The following SLC22A12 variants were observed in gnomAD, a reference collection of about 807,000 sequenced individuals.
SLC22A12 encodes solute carrier family 22 member 12.
SLC22A12 carries 56 observed loss-of-function variants against 52.7 expected under a neutral mutation model. That is an observed-to-expected ratio of 1.06 (90% CI 0.86 to 1.33). The LOEUF is 1.33. Among genes scored for constraint, SLC22A12 ranks in the 40% most tolerant of loss-of-function variants. The pLI, the probability that SLC22A12 is intolerant of heterozygous loss-of-function variation, is 0.00. For missense variants in SLC22A12, 683 were observed against 741.5 expected, an observed-to-expected ratio of 0.92 and a Z score of 0.92; for synonymous variants, 337 against 324.6, an observed-to-expected ratio of 1.04 and a Z score of -0.41.
At chr11:64,601,391 G>C (rs974802878) in intron 9 of SLC22A12, 97 bp from the exon 10 acceptor site, 1 of 1,256,872 alleles carries the variant, frequency 8.0e-7, no homozygotes, top group Non-Finnish European at 1.1e-6. Context: ...CCGAGAGCAG[G>C]GTGGTGGCAT....
chr11:64,593,005 G>C, intron 2 of SLC22A12, 123 bp downstream of exon 2: 3 of 891,266 alleles, frequency 3.4e-6, no homozygotes, highest in Non-Finnish European at 5.3e-6. Context: ...CTACTTGCTG[G>C]GTGTGGGTCT....
intron 4 of SLC22A12, among the ~76,000 whole-genome samples, chr11:64,597,328 C>T (rs1026872402): frequency 6.6e-6 from 1 of 152,126 alleles, no homozygotes; most frequent in Non-Finnish European, 1.5e-5. Flanking sequence ...CTGCAGACCC[C>T]AAATCTCCAC....
chr11:64,593,354 C>T (rs1244298333), intron 2 of SLC22A12, 51 bp from the exon 3 acceptor site: 4 of 1,613,046 alleles, frequency 2.5e-6, no homozygotes, highest in Non-Finnish European at 3.4e-6. Context: ...AGCCCCGTGG[C>T]CTGTGCCGTG....
At chr11:64,595,756 T>C (rs1477173373) in intron 4 of SLC22A12, among the ~76,000 whole-genome samples, 3 of 144,040 alleles carry the variant, frequency 2.1e-5, no homozygotes, top group African/African-American at 5.3e-5. Flanking sequence ...TTGGAATAGA[T>C]GGATGGATGG....
chr11:64,591,510 A>T lies in SLC22A12; in HGVS notation c.-47A>T. The T allele has an allele frequency of 1.9e-6, 3 of 1,604,658 alleles. No homozygotes were observed. The highest frequency in any genetic ancestry group is 2.5e-6 in the Non-Finnish European group (3 of 1,179,778). On this transcript the variant is annotated 5_prime_UTR_variant, in exon 1 of 10. Coordinates refer to ENST00000377574, the MANE Select transcript of SLC22A12 (RefSeq NM_144585.4). ...TGCCCTGGCCTCTTTGCCCTGGGCC[A>T]GCCTTTGTGAAGTGGGCCCCTCTTC...
At chr11:64,593,002 C>A in intron 2 of SLC22A12, 120 bp downstream of exon 2, 1 of 918,020 alleles carries the variant, frequency 1.1e-6, no homozygotes, top group Non-Finnish European at 1.7e-6. Flanking sequence ...GCCCTACTTG[C>A]TGGGTGTGGG....
chr11:64,599,770 G>A lies in SLC22A12; in HGVS notation c.1165G>A (p.Asp389Asn). The A allele has an allele frequency of 6.2e-7, 1 of 1,612,850 alleles. No homozygotes were observed. Among genetic ancestry groups the A allele is most frequent in the East Asian group, 2.2e-5 (1 of 44,848 alleles). ...GCTCCAAATGTTCATTGGTGTCGTG[G>A]ACATCCCAGCCAAGATGGGCGCCCT... ...FLLQMFIGVV[D>N]IPAKMGALLL... is the part of the protein sequence containing the mutation. Residue 389 changes from aspartate to asparagine, a missense_variant, in exon 7 of 10, where the codon GAC becomes AAC. Transcript: ENST00000377574.
At position 64,600,453 on chromosome 11, in the gene SLC22A12, G is replaced by A. The variant is rs747742344; in HGVS notation, c.1372G>A (p.Glu458Lys). The stretch of plus-strand genomic sequence containing the variant: ...CACCTGCATCACCATCTACAGCAGC[G>A]AGCTCTTCCCCACTGTGCTCAGGTG... ...AFTCITIYSS[E>K]LFPTVLRMTA... The change falls in exon 8 of 10, where the codon GAG (glutamate) becomes AAG (lysine). Residue 458 changes from glutamate (E) to lysine (K), a missense_variant. Coordinates refer to ENST00000377574, the MANE Select transcript of SLC22A12 (RefSeq NM_144585.4). The A allele has an allele frequency of 6.2e-6, 10 of 1,605,830 alleles. No homozygotes were observed. The highest frequency in any genetic ancestry group is 1.7e-4 in the Middle Eastern group (1 of 6,036).
In SLC22A12 at chr11:64,601,640, TC is replaced by T; in HGVS notation, c.*91del. On this transcript the variant is annotated 3_prime_UTR_variant, in exon 10 of 10. Transcript: ENST00000377574. ...CAGGAGGAAAGCAAAGACCTCCATT[TC>T]CAGAGGCCCAGAGGCTGCCCTCTGA... is the stretch of plus-strand genomic sequence containing the variant. The T allele has an allele frequency of 6.9e-7, 1 of 1,457,726 alleles. No individual in the cohort carries two copies. The highest frequency in any genetic ancestry group is 9.5e-7 in the Non-Finnish European group (1 of 1,053,742). The allele number at this position is 1,457,726 out of a possible 1,614,324, so 90.3% of individuals were successfully genotyped here. A position where few individuals can be genotyped will look rare whatever the true frequency, so the allele number is the denominator to read the frequency against.
At chr11:64,601,430 T>G in intron 9 of SLC22A12, 58 bp from the exon 10 acceptor site, 2 of 1,570,024 alleles carry the variant, frequency 1.3e-6, no homozygotes, top group Non-Finnish European at 1.7e-6. Context: ...TGGACACAGG[T>G]CAAGGGTCAG....
intron 1 of SLC22A12, among the ~76,000 whole-genome samples, chr11:64,592,530 G>T (rs1043274266): frequency 6.6e-6 from 1 of 152,140 alleles, no homozygotes; most frequent in African/African-American, 2.4e-5. Context: ...GGCAGATGTG[G>T]CTAGAGACCC....
chr11:64,595,028 ATAGAT>A (rs2039074393), intron 4 of SLC22A12, among the ~76,000 whole-genome samples: 1 of 18,528 alleles, frequency 5.4e-5, no homozygotes, highest in African/African-American at 7.7e-5. Flanking sequence ...GATGGTTGGA[ATAGAT>A]GGATGGATGG....
chr11:64,598,748 C>G, intron 5 of SLC22A12, 60 bp from the exon 6 acceptor site: 1 of 1,608,940 alleles, frequency 6.2e-7, no homozygotes, highest in Non-Finnish European at 8.5e-7. Flanking sequence ...AAGAAGGTCT[C>G]AGAGAGGAGG....
intron 4 of SLC22A12, 49 bp downstream of exon 4, chr11:64,593,852 T>C (rs771259750): frequency 4.3e-5 from 68 of 1,584,010 alleles, no homozygotes; most frequent in Non-Finnish European, 5.3e-5. Context: ...CTGCCCACTC[T>C]CCACCCGGGG....
chr11:64,599,966 G>A lies in SLC22A12; in HGVS notation c.1285+76G>A. On this transcript the variant is annotated intron_variant, in intron 7 of 9. Transcript: ENST00000377574. ...CGGGCTGGGAACAGCACCCCTCCTT[G>A]GAGGTGCTGGACTAGAGCAGGTACC... 20 of 1,505,474 alleles carry A rather than the reference G, an allele frequency of 1.3e-5. 1 individual carries two copies. In the South Asian group the frequency reaches 2.1e-4, roughly 16 times the overall value. The allele number at this position is 1,505,474 out of a possible 1,614,324, so 93.3% of individuals were successfully genotyped here.
chr11:64,601,876 A>C lies in SLC22A12; in HGVS notation c.*325A>C, dbSNP rs2135474100. 2 of 385,288 alleles carry C rather than the reference A, an allele frequency of 5.2e-6. No individual in the cohort carries two copies. Among genetic ancestry groups the C allele is most frequent in the Admixed American group, 3.7e-5 (1 of 27,290 alleles). The allele number at this position is 385,288 out of a possible 1,614,324, so 23.9% of individuals were successfully genotyped here. On this transcript the variant is annotated 3_prime_UTR_variant, in exon 10 of 10. Transcript: ENST00000377574. ...GCTGGCCTTGCCAACCCTCTGCTTG[A>C]CTCCGCACTGCCACTTGTCCCCCCA...
At chr11:64,592,466 G>A (rs1345636072) in intron 1 of SLC22A12, among the ~76,000 whole-genome samples, 8 of 152,178 alleles carry the variant, frequency 5.3e-5, no homozygotes, top group South Asian at 2.1e-4. Flanking sequence ...TCTGGGAGAG[G>A]GGTGAGGGTG....
rs1298446845 is a variant in SLC22A12 at position 64,602,099 on chromosome 11, C to T, written c.*548C>T. 4 of 189,448 alleles carry T rather than the reference C, an allele frequency of 2.1e-5. No individual in the cohort carries two copies. The South Asian group carries it at 4.4e-4, about 21-fold the overall frequency. The allele number at this position is 189,448 out of a possible 1,614,324, so 11.7% of individuals were successfully genotyped here. The stretch of plus-strand genomic sequence containing the variant: ...TCCTCTGCCTGCTGTCCCCTTCCCA[C>T]CCTCATCCCTGACCGACTCCACTTA... On this transcript the variant is annotated 3_prime_UTR_variant, in exon 10 of 10. Coordinates refer to ENST00000377574, the MANE Select transcript of SLC22A12 (RefSeq NM_144585.4).
chr11:64,600,886 C>T lies in SLC22A12; in HGVS notation c.1546C>T (p.Pro516Ser), dbSNP rs1284455418. 1 of 1,609,668 alleles carries T rather than the reference C, an allele frequency of 6.2e-7. No individual in the cohort carries two copies. The highest frequency in any genetic ancestry group is 1.7e-5 in the Admixed American group (1 of 60,028). ...GAGTGGCCTGGCCGCACTGCTTCTG[C>T]CCGAGACCCAGAGCTTGCCGCTGCC... ...VLSGLAALLLPETQSLPLPDT... is the reference protein window; with the variant it reads ...VLSGLAALLLSETQSLPLPDT... The change falls in exon 9 of 10, where the codon CCC (proline) becomes TCC (serine). Residue 516 changes from proline (P) to serine (S), a missense_variant. Transcript: ENST00000377574.
Sources: allele counts gnomAD v4.1 joint callset (sites outside exome capture counted in the v4.1 genomes callset), GRCh38; gene constraint gnomAD v4.1.1; transcripts MANE v1.5; gene names NCBI Gene and HGNC (gene_info 2026-07-23, HGNC 2026-07-21).